Variants in PARD3 observed in about 807,000 individuals in gnomAD.
PARD3 encodes partitioning defective 3 homolog.
PARD3 carries 75 observed loss-of-function variants against 155.4 expected under a neutral mutation model. The observed-to-expected ratio is 0.48, with a 90% CI of 0.40 to 0.58. The LOEUF (loss-of-function observed/expected upper bound fraction) is 0.58. Ranked by LOEUF, PARD3 falls within the 20% of genes least tolerant of loss-of-function variation. The pLI, the probability that PARD3 is intolerant of heterozygous loss-of-function variation, is 0.00. For synonymous variants in PARD3, 576 were observed against 610.5 expected, an observed-to-expected ratio of 0.94 and a Z score of 0.83; for missense variants, 1,642 against 1,721.7, an observed-to-expected ratio of 0.95 and a Z score of 0.82.
At chr10:34,654,769 GAC>G (rs976043782) in intron 2 of PARD3, among the ~76,000 whole-genome samples, 17 of 152,068 alleles carry the variant, frequency 1.1e-4, no homozygotes, top group Non-Finnish European at 2.1e-4. Context: ...CCGTGATATG[GAC>G]ACACACTGCA....
At chr10:34,199,355 G>A (rs943752000) in intron 22 of PARD3, among the ~76,000 whole-genome samples, 17 of 152,136 alleles carry the variant, frequency 1.1e-4, no homozygotes, top group African/African-American at 4.1e-4. Context: ...ACAGGCAAAT[G>A]GACCCAGTTT....
At chr10:34,179,583 T>C (rs192188314) in intron 22 of PARD3, among the ~76,000 whole-genome samples, 8 of 152,246 alleles carry the variant, frequency 5.3e-5, no homozygotes, top group Middle Eastern at 3.4e-3. Context: ...AAAAAGAAAC[T>C]CAGAACTCAC....
At chr10:34,143,047 G>T (rs982368375) in intron 22 of PARD3, among the ~76,000 whole-genome samples, 25 of 152,236 alleles carry the variant, frequency 1.6e-4, no homozygotes, top group Admixed American at 1.2e-3. Flanking sequence ...AAAGGCTGGG[G>T]GCGGTGGCTT....
chr10:34,460,043 ATTGT>A (rs2077549674), intron 4 of PARD3, among the ~76,000 whole-genome samples: 1 of 152,138 alleles, frequency 6.6e-6, no homozygotes, highest in South Asian at 2.1e-4. Flanking sequence ...TATCCTACAT[ATTGT>A]TTCTCATAAG....
chr10:34,470,028 G>T, intron 4 of PARD3, 57 bp downstream of exon 4: 1 of 1,389,442 alleles, frequency 7.2e-7, no homozygotes, highest in Non-Finnish European at 9.7e-7. Context: ...CACTCATCAC[G>T]GACACCAAGA....
At chr10:34,186,697 TC>T (rs1950509335) in intron 22 of PARD3, among the ~76,000 whole-genome samples, 1 of 152,082 alleles carries the variant, frequency 6.6e-6, no homozygotes, top group Admixed American at 6.5e-5. Flanking sequence ...TAAGATGCCA[TC>T]CTGTGACCCG....
chr10:34,792,477 A>G (rs1206154294), intron 1 of PARD3, among the ~76,000 whole-genome samples: 1 of 152,248 alleles, frequency 6.6e-6, no homozygotes, highest in Admixed American at 6.5e-5. Context: ...AAATGCTAAA[A>G]TACACCTCAA....
intron 1 of PARD3, among the ~76,000 whole-genome samples, chr10:34,702,197 A>T (rs995012381): frequency 4.3e-5 from 5 of 114,952 alleles, no homozygotes; most frequent in South Asian, 2.3e-4. Flanking sequence ...TTTTAATATT[A>T]AAAAAAAAAA....
chr10:34,510,614 G>A (rs903109010), intron 3 of PARD3, among the ~76,000 whole-genome samples: 1 of 151,986 alleles, frequency 6.6e-6, no homozygotes, highest in Non-Finnish European at 1.5e-5. Context: ...TATGGAGTGG[G>A]GGAAAAAAGT....
chr10:34,454,505 A>G (rs1282252386), intron 4 of PARD3, among the ~76,000 whole-genome samples: 1 of 152,214 alleles, frequency 6.6e-6, no homozygotes, highest in Non-Finnish European at 1.5e-5. Flanking sequence ...GAATCAAATT[A>G]TAACTATAAA....
intron 19 of PARD3, among the ~76,000 whole-genome samples, chr10:34,318,851 C>T (rs1310290566): frequency 6.6e-6 from 1 of 151,878 alleles, no homozygotes; most frequent in African/African-American, 2.4e-5. Flanking sequence ...CTGCAACCTC[C>T]GCCTCCTGGG....
At position 34,748,262 on chromosome 10, in the gene PARD3, G is replaced by A. The variant is rs112556226; in HGVS notation, c.121-51843C>T. On this transcript the variant is annotated intron_variant, in intron 1 of 24. Transcript: ENST00000374788. ...AGGCAGGCAGATCACTTGAGGTCAG[G>A]AGTTCAAAACCAGCCTGTCCAACAC... Among the ~76,000 whole-genome samples, 1,353 of 152,188 alleles carry A rather than the reference G, an allele frequency of 8.9e-3. 26 individuals carry two copies. The highest frequency in any genetic ancestry group is 0.03 in the African/African-American group (1,264 of 41,504).
At chr10:34,753,976 T>C (rs1405388595) in intron 1 of PARD3, among the ~76,000 whole-genome samples, 2 of 152,074 alleles carry the variant, frequency 1.3e-5, no homozygotes, top group Non-Finnish European at 2.9e-5. Context: ...AAAACAAAAA[T>C]AGTCATCGTA....
At chr10:34,362,282 G>C (rs1284792314) in intron 12 of PARD3, among the ~76,000 whole-genome samples, 2 of 152,052 alleles carry the variant, frequency 1.3e-5, no homozygotes, top group East Asian at 3.9e-4. Flanking sequence ...CTGGGCGACA[G>C]AGCAAGACTC....
intron 1 of PARD3, among the ~76,000 whole-genome samples, chr10:34,734,321 CCTT>C (rs1273219291): frequency 2.3e-4 from 28 of 123,800 alleles, no homozygotes; most frequent in Non-Finnish European, 4.1e-4. Context: ...TATATGGGGC[CCTT>C]TTTTTTTTTT....
intron 4 of PARD3, among the ~76,000 whole-genome samples, chr10:34,453,144 G>A (rs906690274): frequency 1.4e-4 from 21 of 152,172 alleles, no homozygotes; most frequent in African/African-American, 5.1e-4. Context: ...AGACAATGGT[G>A]CTTACTGTAC....
chr10:34,227,677 T>C (rs1378411660), intron 22 of PARD3, among the ~76,000 whole-genome samples: 1 of 151,352 alleles, frequency 6.6e-6, no homozygotes, highest in East Asian at 1.9e-4. Context: ...AAATAACAGA[T>C]GTTGGTGAGG....
chr10:34,536,090 C>T (rs1483147875), intron 2 of PARD3, among the ~76,000 whole-genome samples: 1 of 152,194 alleles, frequency 6.6e-6, no homozygotes, highest in Non-Finnish European at 1.5e-5. Context: ...TGATTCATCA[C>T]CAATTCAAAA....
chr10:34,274,065 T>C (rs1955760758), intron 21 of PARD3, among the ~76,000 whole-genome samples: 1 of 152,178 alleles, frequency 6.6e-6, no homozygotes. Flanking sequence ...CAAAACTCTC[T>C]AGGAGAACCT....
Sources: gnomAD v4.1 joint callset for allele counts (sites outside exome capture counted in the v4.1 genomes callset) on GRCh38, gnomAD v4.1.1 for gene constraint, MANE v1.5 for transcripts, NCBI Gene and HGNC (gene_info 2026-07-23, HGNC 2026-07-21) for gene names.